Variants in EPHA3 observed in about 807,000 individuals in gnomAD.
EPHA3 encodes ephrin type-A receptor 3.
Under a neutral mutation model 107.1 loss-of-function variants are expected in EPHA3, and 42 were observed. That is an observed-to-expected ratio of 0.39 (90% CI 0.31 to 0.51). The LOEUF is 0.51. EPHA3 is among the 20% of genes least tolerant of loss of function. The pLI is 0.78. For missense variants in EPHA3, 1,183 were observed against 1,211.2 expected, an observed-to-expected ratio of 0.98 and a Z score of 0.35; for synonymous variants, 461 against 424.8, an observed-to-expected ratio of 1.09 and a Z score of -1.05.
At chr3:89,323,099 A>G (rs1707081165) in intron 3 of EPHA3, among the ~76,000 whole-genome samples, 1 of 152,160 alleles carries the variant, frequency 6.6e-6, no homozygotes, top group Non-Finnish European at 1.5e-5. Context: ...CTCCAAAAGT[A>G]GAAGACTAAG....
intron 3 of EPHA3, among the ~76,000 whole-genome samples, chr3:89,317,408 C>T (rs1391490686): frequency 6.6e-6 from 1 of 151,692 alleles, no homozygotes; most frequent in Non-Finnish European, 1.5e-5. Flanking sequence ...AAGAGCATGA[C>T]ATTACTGGCA....
chr3:89,314,433 T>C (rs1466701456), intron 3 of EPHA3, among the ~76,000 whole-genome samples: 8 of 152,090 alleles, frequency 5.3e-5, no homozygotes, highest in African/African-American at 1.9e-4. Context: ...GAATCAATGC[T>C]AATGTGATAC....
intron 2 of EPHA3, among the ~76,000 whole-genome samples, chr3:89,189,533 C>T (rs150682526): frequency 3.3e-4 from 51 of 152,298 alleles, no homozygotes; most frequent in Non-Finnish European, 5.6e-4. Flanking sequence ...GCGGAGGTTG[C>T]AGTGAGCCCA....
At chr3:89,306,497 C>T (rs1311114066) in intron 3 of EPHA3, among the ~76,000 whole-genome samples, 1 of 152,106 alleles carries the variant, frequency 6.6e-6, no homozygotes. Context: ...TCTATTTTAA[C>T]CATCTTAACA....
intron 2 of EPHA3, among the ~76,000 whole-genome samples, chr3:89,206,940 G>A (rs372337496): frequency 4.1e-4 from 63 of 151,992 alleles, no homozygotes; most frequent in African/African-American, 1.2e-3. Flanking sequence ...GTTGAATCTC[G>A]GATGTGACAA....
At chr3:89,392,697 G>A (rs996008945) in intron 5 of EPHA3, among the ~76,000 whole-genome samples, 13 of 152,002 alleles carry the variant, frequency 8.6e-5, no homozygotes, top group Non-Finnish European at 1.3e-4. Flanking sequence ...AGTGTACACT[G>A]CAATATCATG....
intron 3 of EPHA3, among the ~76,000 whole-genome samples, chr3:89,214,292 G>T (rs1156861555): frequency 1.3e-5 from 2 of 151,904 alleles, no homozygotes; most frequent in African/African-American, 2.4e-5. Flanking sequence ...CTTCAAAATG[G>T]CCAGTGGATG....
Position 89,450,208 on chromosome 3 carries a change from T to TGCC in EPHA3, c.2529_2531dup (p.Pro846dup), listed in dbSNP as rs1382743957. The TGCC allele has an allele frequency of 1.2e-6, 2 of 1,609,100 alleles. No homozygotes were observed. The highest frequency in any genetic ancestry group is 1.7e-6 in the Non-Finnish European group (2 of 1,177,790). On this transcript the variant is annotated inframe_insertion, in exon 15 of 17. Transcript: ENST00000336596. ...AAAGCTGTAGATGAGGGCTATCGACTGCCACCCCCCATGGACTGCCCAGCT... is the reference window on the plus strand; with the variant it reads ...AAAGCTGTAGATGAGGGCTATCGACTGCCGCCACCCCCCATGGACTGCCCAGCT...
At position 89,248,906 on chromosome 3, in the gene EPHA3, A is replaced by G. The variant is rs570877012; in HGVS notation, c.814+38386A>G. On this transcript the variant is annotated intron_variant, in intron 3 of 16. Coordinates refer to ENST00000336596, the MANE Select transcript of EPHA3 (RefSeq NM_005233.6). ...CAGCATACTTCAAATTCTTCTGAAC[A>G]GAGAGAATAAGGAAGTCTTGTTCTT... is the stretch of plus-strand genomic sequence containing the variant. Among the ~76,000 whole-genome samples the G allele has an allele frequency of 3.9e-3, 592 of 152,376 alleles. 5 individuals carry two copies. The highest frequency in any genetic ancestry group is 0.014 in the African/African-American group (580 of 41,586).
At chr3:89,451,164 A>T (rs1709978657) in intron 15 of EPHA3, among the ~76,000 whole-genome samples, 1 of 152,214 alleles carries the variant, frequency 6.6e-6, no homozygotes, top group Non-Finnish European at 1.5e-5. Flanking sequence ...CACAAATGTT[A>T]ATACTCTGCA....
chr3:89,234,775 T>TCTCC (rs1158274516), intron 3 of EPHA3, among the ~76,000 whole-genome samples: 4 of 124,570 alleles, frequency 3.2e-5, no homozygotes, highest in South Asian at 3.1e-4. Context: ...TTCCTCCCTC[T>TCTCC]CTCCCTCCCT....
intron 2 of EPHA3, among the ~76,000 whole-genome samples, chr3:89,209,207 T>G (rs1048469654): frequency 6.6e-5 from 10 of 152,336 alleles, no homozygotes; most frequent in African/African-American, 2.4e-4. Flanking sequence ...GCAAAAGGCT[T>G]TAAGAATCGA....
Position 89,193,885 on chromosome 3 carries a change from T to G in EPHA3, c.154-15975T>G, listed in dbSNP as rs79260282. Among the ~76,000 whole-genome samples, 1,895 of 152,076 alleles carry G rather than the reference T, an allele frequency of 0.012. 44 individuals carry two copies. In the East Asian group the frequency reaches 0.13, roughly 10 times the overall value. On this transcript the variant is annotated intron_variant, in intron 2 of 16. Coordinates refer to ENST00000336596, the MANE Select transcript of EPHA3 (RefSeq NM_005233.6). ...TGAACCATTTTTCTGAGCTCAAAAT[T>G]TATAAATGTTCCTTCATCTCTAAAA...
At chr3:89,283,216 A>C (rs1490777613) in intron 3 of EPHA3, among the ~76,000 whole-genome samples, 1 of 152,098 alleles carries the variant, frequency 6.6e-6, no homozygotes, top group African/African-American at 2.4e-5. Context: ...AAAAAGTTTA[A>C]ACTGATTAGT....
chr3:89,181,328 C>A (rs376424734), intron 2 of EPHA3, among the ~76,000 whole-genome samples: 7 of 151,744 alleles, frequency 4.6e-5, no homozygotes, highest in African/African-American at 1.7e-4. Flanking sequence ...TGAATACTAC[C>A]ATAGAGTTTA....
chr3:89,366,495 C>A (rs1708186312), intron 5 of EPHA3, among the ~76,000 whole-genome samples: 1 of 150,646 alleles, frequency 6.6e-6, no homozygotes, highest in Non-Finnish European at 1.5e-5. Flanking sequence ...ACAAAGTAAG[C>A]AATTGACCAC....
chr3:89,238,750 A>G (rs971169427), intron 3 of EPHA3, among the ~76,000 whole-genome samples: 1 of 152,234 alleles, frequency 6.6e-6, no homozygotes, highest in Non-Finnish European at 1.5e-5. Flanking sequence ...ACCTTAACAA[A>G]TCACTTACTT....
intron 3 of EPHA3, among the ~76,000 whole-genome samples, chr3:89,291,740 G>C (rs993523451): frequency 1.3e-5 from 2 of 152,102 alleles, no homozygotes; most frequent in Middle Eastern, 3.2e-3. Context: ...TCCACTTTAT[G>C]AGTCTGTCAC....
At position 89,479,849 on chromosome 3, in the gene EPHA3, T is replaced by G. The variant is rs1178724134; in HGVS notation, c.*347T>G. 7.9e-6 allele frequency: 2 copies of G among 254,740 alleles called. No individual in the cohort carries two copies. Among genetic ancestry groups the G allele is most frequent in the Non-Finnish European group, 1.5e-5 (2 of 131,666 alleles). The allele number at this position is 254,740 out of a possible 1,614,324, so 15.8% of individuals were successfully genotyped here. A position where few individuals can be genotyped will look rare whatever the true frequency, so the allele number is the denominator to read the frequency against. The stretch of plus-strand genomic sequence containing the variant: ...AAGTGAAATAACAAAATGGACATGG[T>G]GGCTTTGTTTAGGTAGAGCCACAAA... On this transcript the variant is annotated 3_prime_UTR_variant, in exon 17 of 17. Coordinates refer to ENST00000336596, the MANE Select transcript of EPHA3 (RefSeq NM_005233.6).
Sources: gnomAD v4.1 joint callset for allele counts (sites outside exome capture counted in the v4.1 genomes callset) on GRCh38, gnomAD v4.1.1 for gene constraint, MANE v1.5 for transcripts, NCBI Gene and HGNC (gene_info 2026-07-23, HGNC 2026-07-21) for gene names.